Variants in ARL3 observed in about 807,000 individuals in gnomAD.
The protein encoded by ARL3 is ARF like GTPase 3, also known as ADP-ribosylation factor-like protein 3.
Under a neutral mutation model 26.0 loss-of-function variants are expected in ARL3, and 9 were observed. The observed-to-expected ratio is 0.35, with a 90% CI of 0.21 to 0.60. ARL3 has a LOEUF of 0.60. Ranked by LOEUF, ARL3 falls within the 20% of genes least tolerant of loss-of-function variation. The pLI is 0.78. For missense variants in ARL3, 158 were observed against 215.7 expected, an observed-to-expected ratio of 0.73 and a Z score of 1.67; for synonymous variants, 71 against 78.4, an observed-to-expected ratio of 0.91 and a Z score of 0.50.
rs884550 is a variant in ARL3 at position 102,676,856 on chromosome 10, C to T, written c.*38G>A. On this transcript the variant is annotated 3_prime_UTR_variant, in exon 6 of 6. Transcript: ENST00000260746. ...AATTAGTGTTTTTCAGGACCGAATT[C>T]GGCTCCCGCAGCTCCTGCATCTCCA... 18 of 1,607,686 alleles carry T rather than the reference C, an allele frequency of 1.1e-5. No individual in the cohort carries two copies. Among genetic ancestry groups the T allele is most frequent in the African/African-American group, 6.7e-5 (5 of 74,786 alleles).
intron 3 of ARL3, among the ~76,000 whole-genome samples, chr10:102,694,486 A>G (rs980344261): frequency 6.6e-6 from 1 of 152,178 alleles, no homozygotes; most frequent in Non-Finnish European, 1.5e-5. Context: ...TCGAAGGAAA[A>G]AAGAATCTAT....
At chr10:102,684,737 C>G (rs955785072) in intron 5 of ARL3, among the ~76,000 whole-genome samples, 8 of 151,908 alleles carry the variant, frequency 5.3e-5, no homozygotes, top group African/African-American at 1.9e-4. Flanking sequence ...CTCCCAGCTT[C>G]AAGCAATTCT....
At chr10:102,704,144 C>G (rs1443458427) in intron 2 of ARL3, among the ~76,000 whole-genome samples, 7 of 85,936 alleles carry the variant, frequency 8.1e-5, no homozygotes, top group Non-Finnish European at 1.5e-4. Flanking sequence ...GAACGAGACT[C>G]TGTCTCCAAA....
chr10:102,714,355 C>G lies in ARL3; in HGVS notation c.-80G>C, dbSNP rs1209555056. The stretch of plus-strand genomic sequence containing the variant: ...GGGGCAACTGCTGCGGCGCCGCCCC[C>G]GACGTCCCTCGCACGCACAGCTGAG... On this transcript the variant is annotated 5_prime_UTR_variant, in exon 1 of 6. Coordinates refer to ENST00000260746, the MANE Select transcript of ARL3 (RefSeq NM_004311.4). 8.0e-7 allele frequency: 1 copy of G among 1,251,598 alleles called. No individual in the cohort carries two copies. The allele number at this position is 1,251,598 out of a possible 1,614,324, so 77.5% of individuals were successfully genotyped here. A position where few individuals can be genotyped will look rare whatever the true frequency, so the allele number is the denominator to read the frequency against.
chr10:102,678,030 CA>C (rs909031291), intron 5 of ARL3, among the ~76,000 whole-genome samples: 1 of 152,118 alleles, frequency 6.6e-6, no homozygotes, highest in African/African-American at 2.4e-5. Context: ...TACATCACTG[CA>C]AAAAAACAAC....
chr10:102,698,399 A>G (rs922405050), intron 3 of ARL3, among the ~76,000 whole-genome samples: 3 of 152,158 alleles, frequency 2.0e-5, no homozygotes, highest in Admixed American at 6.5e-5. Context: ...CGTAATAAAG[A>G]CATAGATATG....
intron 3 of ARL3, among the ~76,000 whole-genome samples, chr10:102,692,087 G>A (rs1439020487): frequency 1.3e-5 from 2 of 152,186 alleles, no homozygotes; most frequent in African/African-American, 4.8e-5. Flanking sequence ...TTGCTGGATT[G>A]TACGTTAATT....
At chr10:102,685,618 T>C (rs985063228) in intron 5 of ARL3, among the ~76,000 whole-genome samples, 198 bp downstream of exon 5, 1 of 152,186 alleles carries the variant, frequency 6.6e-6, no homozygotes. Flanking sequence ...GCTGCACATG[T>C]GGGGTGGCTT....
rs143209148 is a variant in ARL3, at chr10:102,699,209, G to T, written c.264+164C>A. 2.1e-3 allele frequency among the ~76,000 whole-genome samples: 320 copies of T among 152,322 alleles called. 3 individuals are homozygous for T. The highest frequency in any genetic ancestry group is 7.6e-3 in the African/African-American group (314 of 41,564). ...AAACATCTTATACAAGTTATACAAA[G>T]ATGTTTTTCCTTTATAATCTGTAGC... On this transcript the variant is annotated intron_variant, in intron 3 of 5. Coordinates refer to ENST00000260746, the MANE Select transcript of ARL3 (RefSeq NM_004311.4).
chr10:102,695,661 G>GC (rs1251231122), intron 3 of ARL3, among the ~76,000 whole-genome samples: 3 of 151,968 alleles, frequency 2.0e-5, no homozygotes, highest in Non-Finnish European at 4.4e-5. Context: ...TAGCTTACGG[G>GC]CATGTGCCGC....
At chr10:102,710,550 G>A (rs1437533287) in intron 1 of ARL3, among the ~76,000 whole-genome samples, 1 of 152,120 alleles carries the variant, frequency 6.6e-6, no homozygotes, top group African/African-American at 2.4e-5. Flanking sequence ...TTTTTAAAGT[G>A]CATTTTTTGG....
chr10:102,698,183 G>C (rs773697063), intron 3 of ARL3, among the ~76,000 whole-genome samples: 1 of 152,078 alleles, frequency 6.6e-6, no homozygotes, highest in Non-Finnish European at 1.5e-5. Context: ...GAAGCTGTTT[G>C]AGATGCAAGA....
chr10:102,714,176 T>C, intron 1 of ARL3, 97 bp downstream of exon 1: 1 of 1,275,052 alleles, frequency 7.8e-7, no homozygotes, highest in East Asian at 2.8e-5. Context: ...GACGTCCCAT[T>C]CCCTCCTTGG....
Position 102,685,805 on chromosome 10 carries a change from T to C in ARL3, c.501+11A>G, listed in dbSNP as rs2064181078. On this transcript the variant is annotated intron_variant, in intron 5 of 5. Coordinates refer to ENST00000260746, the MANE Select transcript of ARL3 (RefSeq NM_004311.4). ...ATGTTGCCAGGTGGCCAAGCCTTCCTGTAATCTCACCTGAACGCCCTCTCC... is the reference window on the plus strand; with the variant it reads ...ATGTTGCCAGGTGGCCAAGCCTTCCCGTAATCTCACCTGAACGCCCTCTCC... 1.3e-6 allele frequency: 2 copies of C among 1,592,746 alleles called. No homozygotes were observed. The highest frequency in any genetic ancestry group is 1.7e-6 in the Non-Finnish European group (2 of 1,168,820).
In ARL3 at chr10:102,676,957, G is replaced by A. The variant is rs1270461494; in HGVS notation, c.502-16C>T. ...TCATGCCATCCTTTGAGGGAAATGG[G>A]CAGAGAAAGGCAGTGTTAGTTATAA... On this transcript the variant is annotated splice_polypyrimidine_tract_variant and intron_variant, in intron 5 of 5. Coordinates refer to ENST00000260746, the MANE Select transcript of ARL3 (RefSeq NM_004311.4). 6.2e-7 allele frequency: 1 copy of A among 1,613,172 alleles called. No homozygotes were observed. The highest frequency in any genetic ancestry group is 2.2e-5 in the East Asian group (1 of 44,878).
intron 1 of ARL3, among the ~76,000 whole-genome samples, chr10:102,707,810 G>T (rs1047195133): frequency 1.3e-5 from 2 of 152,188 alleles, no homozygotes; most frequent in Non-Finnish European, 2.9e-5. Context: ...GGAAGGTTTA[G>T]TCTAAGCTAG....
chr10:102,686,900 G>A (rs1462630554), intron 4 of ARL3, among the ~76,000 whole-genome samples: 1 of 94,884 alleles, frequency 1.1e-5, no homozygotes, highest in East Asian at 3.4e-4. Flanking sequence ...TTTTTGAGAC[G>A]AGTCTTGCTC....
chr10:102,711,788 A>G (rs984534992), intron 1 of ARL3, among the ~76,000 whole-genome samples: 36 of 152,250 alleles, frequency 2.4e-4, no homozygotes, highest in Non-Finnish European at 2.8e-4. Flanking sequence ...GAAAACAGGA[A>G]CAATACTTAC....
At chr10:102,677,060 G>A in intron 5 of ARL3, 119 bp from the exon 6 acceptor site, 1 of 1,187,312 alleles carries the variant, frequency 8.4e-7, no homozygotes, top group Non-Finnish European at 1.2e-6. Context: ...GCCAGCTTTA[G>A]GGAGTTTGCT....
Sources: gnomAD v4.1 joint callset for allele counts (sites outside exome capture counted in the v4.1 genomes callset) on GRCh38, gnomAD v4.1.1 for gene constraint, MANE v1.5 for transcripts, NCBI Gene and HGNC (gene_info 2026-07-23, HGNC 2026-07-21) for gene names.